The following DTHD1 variants were observed in gnomAD, a reference collection of about 807,000 sequenced individuals.
DTHD1 encodes death domain-containing protein 1.
A neutral mutation model predicts 74.8 loss-of-function variants in DTHD1; 59 were observed. The observed-to-expected ratio is 0.79, with a 90% CI of 0.64 to 0.98. The LOEUF (loss-of-function observed/expected upper bound fraction) is 0.98. Among genes scored for constraint, DTHD1 ranks in the 50% least tolerant of loss-of-function variants. The pLI is 0.00. For synonymous variants in DTHD1, 365 were observed against 371.1 expected, an observed-to-expected ratio of 0.98 and a Z score of 0.19; for missense variants, 1,051 against 1,065.4, an observed-to-expected ratio of 0.99 and a Z score of 0.19.
Position 36,308,376 on chromosome 4 carries a change from G to T in DTHD1, c.1978G>T (p.Val660Leu), listed in dbSNP as rs1757181757. The T allele has an allele frequency of 3.2e-6, 5 of 1,551,686 alleles. No homozygotes were observed. Among genetic ancestry groups the T allele is most frequent in the Non-Finnish European group, 4.4e-6 (5 of 1,147,012 alleles). The part of the protein sequence containing the change: ...LVVPSKDLSQ[V>L]LKDLHLEGFG... ...GGTGCCTTCCAAAGATTTAAGCCAG[G>T]TGCTTAAGGACCTGCACTTGGAAGG... The change falls in exon 7 of 10, where the codon GTG (valine) becomes TTG (leucine). Residue 660 changes from valine (V) to leucine (L), a missense_variant. By Grantham distance (32) the Val-to-Leu change is conservative. Coordinates refer to ENST00000639862, the MANE Select transcript of DTHD1 (RefSeq NM_001170700.3).
At chr4:36,302,518 T>G (rs1756836596) in intron 5 of DTHD1, among the ~76,000 whole-genome samples, 1 of 152,196 alleles carries the variant, frequency 6.6e-6, no homozygotes, top group South Asian at 2.1e-4. Context: ...GGTACAGAGT[T>G]TGTCATAAAA....
At chr4:36,304,705 T>C (rs1429818386) in intron 5 of DTHD1, among the ~76,000 whole-genome samples, 2 of 152,220 alleles carry the variant, frequency 1.3e-5, no homozygotes, top group Non-Finnish European at 2.9e-5. Context: ...TTCCTTTAGT[T>C]GTAGGGAACA....
At chr4:36,338,924 A>T (rs1213431564) in intron 8 of DTHD1, among the ~76,000 whole-genome samples, 188 bp from the exon 9 acceptor site, 3 of 152,220 alleles carry the variant, frequency 2.0e-5, no homozygotes, top group African/African-American at 7.2e-5. Flanking sequence ...TATTTGGGTT[A>T]GTATACTTGG....
Position 36,293,687 on chromosome 4 carries a change from A to T in DTHD1, c.1380A>T (p.Pro460=). ...ACCCTCCAGGAGTTTTTACCTCTCC[A>T]GTGCTGGTGCAGTTAAAGGTAAACA... ...LNYPPGVFTS[P]VLVQLKIQPV... The change falls in exon 4 of 10, where the codon CCA becomes CCT. Residue 460 remains proline, a synonymous_variant. Transcript: ENST00000639862. 1 of 1,527,846 alleles carries T rather than the reference A, an allele frequency of 6.5e-7. No homozygotes were observed. The highest frequency in any genetic ancestry group is 8.8e-7 in the Non-Finnish European group (1 of 1,132,012). The allele number at this position is 1,527,846 out of a possible 1,614,324, so 94.6% of individuals were successfully genotyped here.
At position 36,290,460 on chromosome 4, in the gene DTHD1, C is replaced by G. The variant is rs530789646; in HGVS notation, c.975C>G (p.Cys325Trp). The G allele has an allele frequency of 6.4e-7, 1 of 1,551,708 alleles. No individual in the cohort carries two copies. The highest frequency in any genetic ancestry group is 2.4e-5 in the East Asian group (1 of 40,900). Reference protein sequence around the residue: ...APSYVLQQLECRIINHMSSLI... With the variant: ...APSYVLQQLEWRIINHMSSLI... The stretch of plus-strand genomic sequence containing the variant: ...CATATGTTCTACAACAACTAGAATG[C>G]CGGATAATAAATCACATGAGTTCTT... Residue 325 changes from cysteine (C) to tryptophan (W), a missense_variant, in exon 3 of 10, where the codon TGC becomes TGG. Physicochemically the swap from Cys to Trp is radical, Grantham distance 215. Transcript: ENST00000639862.
At chr4:36,289,796 T>G (rs1755946829) in intron 2 of DTHD1, among the ~76,000 whole-genome samples, 1 of 152,106 alleles carries the variant, frequency 6.6e-6, no homozygotes, top group Non-Finnish European at 1.5e-5. Flanking sequence ...ATTGATTTTT[T>G]TGGGGATTAT....
At chr4:36,287,109 G>A (rs1755760495) in intron 2 of DTHD1, among the ~76,000 whole-genome samples, 1 of 152,124 alleles carries the variant, frequency 6.6e-6, no homozygotes, top group African/African-American at 2.4e-5. Flanking sequence ...CCAATGTGTA[G>A]TCTTTTATCC....
At chr4:36,306,452 G>T in intron 6 of DTHD1, 100 bp downstream of exon 6, 1 of 1,245,748 alleles carries the variant, frequency 8.0e-7, no homozygotes, top group South Asian at 2.0e-5. Context: ...TTTATTCTTC[G>T]AATAGAAATA....
chr4:36,310,372 C>A (rs1050294465), intron 7 of DTHD1, among the ~76,000 whole-genome samples: 1 of 152,098 alleles, frequency 6.6e-6, no homozygotes, highest in Non-Finnish European at 1.5e-5. Context: ...AGAGAGGAAA[C>A]GTCTTTGAAA....
In DTHD1 at chr4:36,347,027, C is replaced by T. The variant is rs1309607918; in HGVS notation, c.*3203C>T. Reference sequence around the variant, plus strand: ...TATCACTATATTTCTCATTGAGACCCTGATTGATACCTCTCTGCACACCTT... The same window carrying T: ...TATCACTATATTTCTCATTGAGACCTTGATTGATACCTCTCTGCACACCTT... On this transcript the variant is annotated 3_prime_UTR_variant, in exon 10 of 10. Coordinates refer to ENST00000639862, the MANE Select transcript of DTHD1 (RefSeq NM_001170700.3). Among the ~76,000 whole-genome samples, 1 of 152,098 alleles carries T rather than the reference C, an allele frequency of 6.6e-6. No individual in the cohort carries two copies. Among genetic ancestry groups the T allele is most frequent in the Non-Finnish European group, 1.5e-5 (1 of 68,016 alleles).
chr4:36,282,477 A>G (rs147677189), intron 1 of DTHD1, among the ~76,000 whole-genome samples: 252 of 152,306 alleles, frequency 1.7e-3, no homozygotes, highest in African/African-American at 5.8e-3. Flanking sequence ...CTCTAGGGTC[A>G]TTTGAGCTTA....
intron 7 of DTHD1, 45 bp downstream of exon 7, chr4:36,308,538 C>T: frequency 1.4e-6 from 2 of 1,454,630 alleles, no homozygotes; most frequent in South Asian, 2.7e-5. Flanking sequence ...GGCTATAAGC[C>T]ACAAGCTCTT....
At chr4:36,296,325 A>C (rs1438530554) in intron 5 of DTHD1, among the ~76,000 whole-genome samples, 1 of 152,200 alleles carries the variant, frequency 6.6e-6, no homozygotes, top group Non-Finnish European at 1.5e-5. Context: ...TCTTATCTAC[A>C]AAATAAGTAG....
intron 5 of DTHD1, among the ~76,000 whole-genome samples, chr4:36,299,656 T>C (rs944678968): frequency 2.6e-5 from 4 of 152,334 alleles, no homozygotes; most frequent in Admixed American, 6.5e-5. Flanking sequence ...CATAGATGTA[T>C]ATATGACCAC....
intron 9 of DTHD1, among the ~76,000 whole-genome samples, chr4:36,340,538 G>C (rs1759258369): frequency 6.6e-6 from 1 of 152,210 alleles, no homozygotes; most frequent in East Asian, 1.9e-4. Context: ...AGCTTGCTCA[G>C]CTGAGTGGCT....
chr4:36,300,630 C>T (rs187769277), intron 5 of DTHD1, among the ~76,000 whole-genome samples: 2 of 77,642 alleles, frequency 2.6e-5, no homozygotes, highest in Non-Finnish European at 5.4e-5. Flanking sequence ...CTGTTTTACA[C>T]TAAAGATTAT....
At chr4:36,283,592 T>C (rs1458195386) in intron 1 of DTHD1, among the ~76,000 whole-genome samples, 1 of 152,220 alleles carries the variant, frequency 6.6e-6, no homozygotes, top group Non-Finnish European at 1.5e-5. Context: ...ATTGATAAAC[T>C]ATTGTACATC....
chr4:36,337,083 C>T (rs1008957734), intron 8 of DTHD1, among the ~76,000 whole-genome samples: 2 of 152,072 alleles, frequency 1.3e-5, no homozygotes, highest in Non-Finnish European at 2.9e-5. Context: ...GACTGTTCTG[C>T]TTGTAGCTGA....
At chr4:36,300,446 T>A (rs961194734) in intron 5 of DTHD1, among the ~76,000 whole-genome samples, 4 of 152,214 alleles carry the variant, frequency 2.6e-5, no homozygotes, top group Non-Finnish European at 5.9e-5. Context: ...GTGTTTGCCA[T>A]CTTAGTAATC....
Sources: allele counts gnomAD v4.1 joint callset (sites outside exome capture counted in the v4.1 genomes callset), GRCh38; gene constraint gnomAD v4.1.1; transcripts MANE v1.5; gene names NCBI Gene and HGNC (gene_info 2026-07-23, HGNC 2026-07-21).